SLC25A25: variants seen among roughly 807,000 people sequenced by gnomAD.
SLC25A25 encodes mitochondrial adenyl nucleotide antiporter SLC25A25.
In SLC25A25, 32 loss-of-function variants were observed where a neutral mutation model predicts 57.7. That is an observed-to-expected ratio of 0.55 (90% CI 0.42 to 0.74). The LOEUF is 0.74. Among genes scored for constraint, SLC25A25 ranks in the 30% least tolerant of loss-of-function variants. The pLI, the probability that SLC25A25 is intolerant of heterozygous loss-of-function variation, is 0.00. For missense variants in SLC25A25, 556 were observed against 701.3 expected (o/e 0.79, Z 2.34); for synonymous variants, 306 against 291.2 (o/e 1.05, Z -0.52).
chr9:128,068,595 T>A lies in SLC25A25; in HGVS notation c.261+15T>A. 1 of 1,404,742 alleles carries A rather than the reference T, an allele frequency of 7.1e-7. No homozygotes were observed. The highest frequency in any genetic ancestry group is 1.6e-5 in the South Asian group (1 of 62,790). 87.0% of individuals were successfully genotyped at this position (1,404,742 alleles called of 1,614,324 possible). A position where few individuals can be genotyped will look rare whatever the true frequency, so the allele number is the denominator to read the frequency against. On this transcript the variant is annotated intron_variant, in intron 1 of 10. Transcript: ENST00000373069. ...GCGAGCTCCAGGTAGGCTGCGCGCG[T>A]CCTCAGCACTGGCGGGGAGGGAGCC...
chr9:128,068,366 A>ACGCCGCCGCCAC lies in SLC25A25; in HGVS notation c.55_66dup (p.Ala19_Ala22dup), dbSNP rs769823808. Reference sequence around the variant, plus strand: ...CGCTGTGTGGCCTCCCCGCCGCCGGACGCCGCCGCCACCGCCGCCTCTTCG... The same window carrying ACGCCGCCGCCAC: ...CGCTGTGTGGCCTCCCCGCCGCCGGACGCCGCCGCCACCGCCGCCGCCACCGCCGCCTCTTCG... On this transcript the variant is annotated inframe_insertion, in exon 1 of 11. Coordinates refer to ENST00000373069, the MANE Select transcript of SLC25A25 (RefSeq NM_001330988.2). 2 of 1,543,502 alleles carry ACGCCGCCGCCAC rather than the reference A, an allele frequency of 1.3e-6. No homozygotes were observed. The highest frequency in any genetic ancestry group is 2.3e-5 in the South Asian group (2 of 85,426).
At chr9:128,074,528 G>A (rs1458863837) in intron 1 of SLC25A25, among the ~76,000 whole-genome samples, 2 of 151,590 alleles carry the variant, frequency 1.3e-5, no homozygotes, top group African/African-American at 4.8e-5. Flanking sequence ...GGCCAACATG[G>A]TGAAACCCCA....
chr9:128,082,580 T>G (rs1833178382), intron 1 of SLC25A25, among the ~76,000 whole-genome samples: 1 of 152,222 alleles, frequency 6.6e-6, no homozygotes, highest in African/African-American at 2.4e-5. Context: ...TCTTGACTCC[T>G]GTACCACCCA....
At chr9:128,074,566 G>A (rs1252778897) in intron 1 of SLC25A25, among the ~76,000 whole-genome samples, 4 of 150,420 alleles carry the variant, frequency 2.7e-5, no homozygotes, top group African/African-American at 7.3e-5. Flanking sequence ...AAAATTAGCC[G>A]GGCGTGGTGG....
rs1364671206 is a variant in SLC25A25 at position 128,103,651 on chromosome 9, G to A, written c.625-30G>A. 6.2e-7 allele frequency: 1 copy of A among 1,614,112 alleles called. No homozygotes were observed. On this transcript the variant is annotated intron_variant, in intron 5 of 10. Coordinates refer to ENST00000373069, the MANE Select transcript of SLC25A25 (RefSeq NM_001330988.2). The surrounding 1 kb of genome is among the most constrained non-coding windows in gnomAD (Gnocchi z 6.7). ...CCAGCAGCCTTGCCCCAAGGGTCCT[G>A]AGTCAGGCTTGTGCCATCTTTCCTC...
chr9:128,103,848 G>T lies in SLC25A25; in HGVS notation c.783+9G>T, dbSNP rs1330117694. 3.2e-6 allele frequency: 5 copies of T among 1,556,416 alleles called. No individual in the cohort carries two copies. Among genetic ancestry groups the T allele is most frequent in the Non-Finnish European group, 4.3e-6 (5 of 1,151,008 alleles). ...TCAAGGTGCTCATGCAGGTATGTAG[G>T]GAAAAGGCCCCAGACCCCTGGGGGG... On this transcript the variant is annotated intron_variant, in intron 6 of 10. Transcript: ENST00000373069. The surrounding 1 kb of genome is among the most constrained non-coding windows in gnomAD (Gnocchi z 6.7).
intron 1 of SLC25A25, among the ~76,000 whole-genome samples, chr9:128,069,365 C>G (rs1832850745): frequency 6.6e-6 from 1 of 152,172 alleles, no homozygotes; most frequent in Non-Finnish European, 1.5e-5. Flanking sequence ...TCCCTTCTGT[C>G]TCTTCCCCCT....
intron 6 of SLC25A25, among the ~76,000 whole-genome samples, chr9:128,105,461 G>T (rs571123164): frequency 2.0e-5 from 3 of 150,310 alleles, no homozygotes; most frequent in African/African-American, 7.3e-5. Context: ...ATGAGCCACC[G>T]CGCCCAGCCT....
rs201248373 is a variant in SLC25A25 at position 128,107,451 on chromosome 9, G to A, written c.*7G>A. On this transcript the variant is annotated 3_prime_UTR_variant, in exon 11 of 11. Transcript: ENST00000373069. ...GGGCGTGCAGTCGCGGTGACGGGGG[G>A]AGGGCCGCCCGGCAGTGGACTCGCT... The A allele has an allele frequency of 3.3e-6, 5 of 1,505,924 alleles. No homozygotes were observed. The highest frequency in any genetic ancestry group is 2.3e-5 in the East Asian group (1 of 43,562). 93.3% of individuals were successfully genotyped at this position (1,505,924 alleles called of 1,614,324 possible). A position where few individuals can be genotyped will look rare whatever the true frequency, so the allele number is the denominator to read the frequency against.
At position 128,106,142 on chromosome 9, in the gene SLC25A25, G is replaced by C. The variant is rs781583651; in HGVS notation, c.937-8G>C. ...TATATCAGGTGGTTTGTTTGTTCCT[G>C]GTTCTAGATCAAGCGCCTTGTTGGT... On this transcript the variant is annotated splice_region_variant and splice_polypyrimidine_tract_variant and intron_variant, in intron 7 of 10. Coordinates refer to ENST00000373069, the MANE Select transcript of SLC25A25 (RefSeq NM_001330988.2). 2 of 1,614,068 alleles carry C rather than the reference G, an allele frequency of 1.2e-6. No individual in the cohort carries two copies. The highest frequency in any genetic ancestry group is 2.7e-5 in the African/African-American group (2 of 74,946).
intron 1 of SLC25A25, among the ~76,000 whole-genome samples, chr9:128,074,980 A>G (rs755643055): frequency 5.3e-5 from 8 of 152,092 alleles, no homozygotes; most frequent in Non-Finnish European, 1.2e-4. Flanking sequence ...TACTAAAAAT[A>G]CAAAACTTAG....
chr9:128,107,542 C>A lies in SLC25A25; in HGVS notation c.*98C>A. The A allele has an allele frequency of 7.1e-7, 1 of 1,403,568 alleles. No homozygotes were observed. The highest frequency in any genetic ancestry group is 9.4e-7 in the Non-Finnish European group (1 of 1,058,474). The allele number at this position is 1,403,568 out of a possible 1,614,324, so 86.9% of individuals were successfully genotyped here. On this transcript the variant is annotated 3_prime_UTR_variant, in exon 11 of 11. Coordinates refer to ENST00000373069, the MANE Select transcript of SLC25A25 (RefSeq NM_001330988.2). Reference sequence around the variant, plus strand: ...TGTGAATGTGCCAACACTAAGCTGTCTCGAGCCAAGCTGTGAAAACCCTAG... The same window carrying A: ...TGTGAATGTGCCAACACTAAGCTGTATCGAGCCAAGCTGTGAAAACCCTAG...
chr9:128,107,654 A>G lies in SLC25A25; in HGVS notation c.*210A>G. On this transcript the variant is annotated 3_prime_UTR_variant, in exon 11 of 11. Coordinates refer to ENST00000373069, the MANE Select transcript of SLC25A25 (RefSeq NM_001330988.2). ...CAGACCCTCCTGTTGGTTCCAGCGA[A>G]GACCACAGGCATTCCTTAGGGTCCA... The G allele has an allele frequency of 2.1e-6, 1 of 485,942 alleles. No individual in the cohort carries two copies. Among genetic ancestry groups the G allele is most frequent in the Non-Finnish European group, 3.5e-6 (1 of 287,238 alleles). The allele number at this position is 485,942 out of a possible 1,614,324, so 30.1% of individuals were successfully genotyped here.
At chr9:128,070,493 G>A (rs1254155827) in intron 1 of SLC25A25, among the ~76,000 whole-genome samples, 3 of 146,794 alleles carry the variant, frequency 2.0e-5, no homozygotes, top group Non-Finnish European at 3.0e-5. Context: ...CACCTGCCTC[G>A]GCCTCCCAAA....
At chr9:128,072,120 A>G (rs1048117913) in intron 1 of SLC25A25, among the ~76,000 whole-genome samples, 1 of 152,224 alleles carries the variant, frequency 6.6e-6, no homozygotes, top group African/African-American at 2.4e-5. Flanking sequence ...AAGGAGCACA[A>G]GTTAGTCCTG....
intron 1 of SLC25A25, among the ~76,000 whole-genome samples, chr9:128,093,748 C>T (rs576001267): frequency 1.3e-5 from 2 of 152,230 alleles, no homozygotes; most frequent in Non-Finnish European, 2.9e-5. Context: ...CATCCTTTTC[C>T]AGAACAGTGC....
intron 1 of SLC25A25, among the ~76,000 whole-genome samples, chr9:128,078,072 A>G (rs2130787565): frequency 6.6e-6 from 1 of 151,968 alleles, no homozygotes; most frequent in East Asian, 1.9e-4. Flanking sequence ...CCTGGGTTCA[A>G]ATGTTCCTTC....
chr9:128,090,552 T>C (rs1052979423), intron 1 of SLC25A25, among the ~76,000 whole-genome samples: 29 of 151,240 alleles, frequency 1.9e-4, no homozygotes, highest in Non-Finnish European at 3.5e-4. Flanking sequence ...GGCTCGCTCC[T>C]GTAATCCCAG....
In SLC25A25 at chr9:128,068,353, T is replaced by A. The variant is rs1832825780; in HGVS notation, c.34T>A (p.Ser12Thr). The A allele has an allele frequency of 1.3e-6, 2 of 1,538,014 alleles. No individual in the cohort carries two copies. The highest frequency in any genetic ancestry group is 2.4e-5 in the South Asian group (2 of 84,880). The change falls in exon 1 of 11, where the codon TCC (serine) becomes ACC (threonine). Residue 12 changes from serine to threonine, a missense_variant. Ser to Thr is a moderately conservative substitution (Grantham distance 58). This residue lies in a region of SLC25A25 where 248 missense variants were observed against 273.5 expected (regional missense o/e 0.91). Transcript: ENST00000373069. Reference sequence around the variant, plus strand: ...CAGTGTGTTGTGCCGCTGTGTGGCCTCCCCGCCGCCGGACGCCGCCGCCAC... The same window carrying A: ...CAGTGTGTTGTGCCGCTGTGTGGCCACCCCGCCGCCGGACGCCGCCGCCAC... The part of the protein sequence containing the change: ...VSSVLCRCVA[S>T]PPPDAAATAA...
Sources: allele counts gnomAD v4.1 joint callset (sites outside exome capture counted in the v4.1 genomes callset), GRCh38; gene constraint gnomAD v4.1.1; regional missense constraint gnomAD v4.1.1; non-coding constraint Gnocchi (gnomAD v3.1); transcripts MANE v1.5; gene names NCBI Gene and HGNC (gene_info 2026-07-23, HGNC 2026-07-21).